Variants in TBC1D17 observed in about 807,000 individuals in gnomAD.
The protein encoded by TBC1D17 is TBC1 domain family member 17.
A neutral mutation model predicts 78.8 loss-of-function variants in TBC1D17; 69 were observed. That is an observed-to-expected ratio of 0.88 (90% CI 0.72 to 1.07). The LOEUF (loss-of-function observed/expected upper bound fraction) is 1.07. Ranked by LOEUF, TBC1D17 falls within the 50% of genes least tolerant of loss-of-function variation. TBC1D17 has a pLI of 0.00. For synonymous variants in TBC1D17, 456 were observed against 358.3 expected, an observed-to-expected ratio of 1.27 and a Z score of -3.08; for missense variants, 957 against 861.0, an observed-to-expected ratio of 1.11 and a Z score of -1.39.
intron 3 of TBC1D17, chr19:49,878,968 C>G: frequency 9.4e-6 from 2 of 213,670 alleles, no homozygotes; most frequent in South Asian, 1.4e-4. Context: ...CGTTATGTCT[C>G]CTGGGACTTC....
Position 49,878,487 on chromosome 19 carries a change from C to T in TBC1D17, c.121-11C>T, listed in dbSNP as rs1302482799. The T allele has an allele frequency of 1.2e-6, 2 of 1,613,456 alleles. No individual in the cohort carries two copies. Among genetic ancestry groups the T allele is most frequent in the Admixed American group, 3.3e-5 (2 of 59,988 alleles). Reference sequence around the variant, plus strand: ...GGAGCGCCTCTAACCCCGCCTCCCTCCTTACCCTAGGACAATGACGTCCTC... The same window carrying T: ...GGAGCGCCTCTAACCCCGCCTCCCTTCTTACCCTAGGACAATGACGTCCTC... On this transcript the variant is annotated splice_polypyrimidine_tract_variant and intron_variant, in intron 2 of 16. Transcript: ENST00000221543.
At position 49,882,995 on chromosome 19, in the gene TBC1D17, G is replaced by A. The variant is rs139889935; in HGVS notation, c.950G>A (p.Arg317His). 265 of 1,610,796 alleles carry A rather than the reference G, an allele frequency of 1.6e-4. No individual in the cohort carries two copies. Among genetic ancestry groups the A allele is most frequent in the African/African-American group, 4.8e-4 (36 of 74,978 alleles). ...FSGGLSPSLR[R>H]EAWKFLLGYL... ...CAGGGTCTGAGCCCCAGCCTGCGGCGCGAGGCCTGGAAGTTCCTCCTAGGG... is the reference window on the plus strand; with the variant it reads ...CAGGGTCTGAGCCCCAGCCTGCGGCACGAGGCCTGGAAGTTCCTCCTAGGG... The change falls in exon 9 of 17, where the codon CGC becomes CAC. Residue 317 changes from arginine to histidine, a missense_variant. Physicochemically the swap from Arg to His is conservative, Grantham distance 29. Transcript: ENST00000221543.
rs1419111632 is a variant in TBC1D17 at position 49,879,854 on chromosome 19, T to C, written c.196-425T>C. Among the ~76,000 whole-genome samples, 1,142 of 139,668 alleles carry C rather than the reference T, an allele frequency of 8.2e-3. 12 individuals carry two copies. Among genetic ancestry groups the C allele is most frequent in the African/African-American group, 0.028 (1,036 of 36,614 alleles). The allele number at this position is 139,668 out of a possible 152,430, so 91.6% of individuals were successfully genotyped here. On this transcript the variant is annotated intron_variant, in intron 3 of 16. Transcript: ENST00000221543. Reference sequence around the variant, plus strand: ...AGTGCTGTACTTTCTTTTTTCTTTTTTTTTTTTTTTTTTTAATGAGACAGA... The same window carrying C: ...AGTGCTGTACTTTCTTTTTTCTTTTCTTTTTTTTTTTTTTAATGAGACAGA...
intron 3 of TBC1D17, 198 bp downstream of exon 3, chr19:49,878,770 C>T: frequency 1.7e-6 from 1 of 593,114 alleles, no homozygotes; most frequent in African/African-American, 1.9e-5. Context: ...GGAAAAAGAG[C>T]AGGGAGCATA....
At chr19:49,877,809 C>T (rs1418759701) in intron 1 of TBC1D17, 65 bp downstream of exon 1, 4 of 1,532,558 alleles carry the variant, frequency 2.6e-6, no homozygotes, top group African/African-American at 2.7e-5. Context: ...GTGATCAGCT[C>T]TTCTCTCAGG....
At chr19:49,885,355 G>A (rs2075049630) in intron 13 of TBC1D17, 1 of 152,382 alleles carries the variant, frequency 6.6e-6, no homozygotes, top group Non-Finnish European at 1.4e-5. Context: ...TGAGGCAGGA[G>A]AATCGCTTGA....
rs1377117763 is a variant in TBC1D17, at chr19:49,883,636, C to T, written c.1032-15C>T. On this transcript the variant is annotated splice_polypyrimidine_tract_variant and intron_variant, in intron 9 of 16. Coordinates refer to ENST00000221543, the MANE Select transcript of TBC1D17 (RefSeq NM_024682.3). ...ACAGTGGCGGCCTCACATCTTGTTT[C>T]CCTCTGTCACTCAGGGATGAGTATT... 6 of 1,611,664 alleles carry T rather than the reference C, an allele frequency of 3.7e-6. No homozygotes were observed. Among genetic ancestry groups the T allele is most frequent in the Non-Finnish European group, 8.5e-7 (1 of 1,178,242 alleles).
In TBC1D17 at chr19:49,882,088, C is replaced by T. The variant is rs2075019796; in HGVS notation, c.575C>T (p.Ser192Phe). The change falls in exon 6 of 17, where the codon TCT (serine) becomes TTT (phenylalanine). Residue 192 changes from serine to phenylalanine, a missense_variant. Ser to Phe is a radical substitution (Grantham distance 155). Transcript: ENST00000221543. ...RLYLVFPHDSSALSNSFHHLQ... is the reference protein window; with the variant it reads ...RLYLVFPHDSFALSNSFHHLQ... Reference sequence around the variant, plus strand: ...TACCTTGTCTTCCCCCACGACTCCTCTGCTCTCTCCAACTCCTTCCACCAC... The same window carrying T: ...TACCTTGTCTTCCCCCACGACTCCTTTGCTCTCTCCAACTCCTTCCACCAC... 1 of 1,614,176 alleles carries T rather than the reference C, an allele frequency of 6.2e-7. No individual in the cohort carries two copies.
chr19:49,878,833 G>A (rs752175092), intron 3 of TBC1D17: 5 of 476,326 alleles, frequency 1.0e-5, no homozygotes, highest in Non-Finnish European at 1.9e-5. Context: ...CTTCTTGGGA[G>A]ATCCCTGCCA....
At chr19:49,883,137 A>T (rs111732606) in intron 9 of TBC1D17, 61 bp downstream of exon 9, 1 of 1,475,196 alleles carries the variant, frequency 6.8e-7, no homozygotes, top group African/African-American at 1.4e-5. Context: ...TAGGGCACCA[A>T]TGGGCAAGTT....
In TBC1D17 at chr19:49,881,337, G is replaced by C; in HGVS notation, c.389G>C (p.Arg130Pro). 6.2e-7 allele frequency: 1 copy of C among 1,613,282 alleles called. No homozygotes were observed. Among genetic ancestry groups the C allele is most frequent in the African/African-American group, 1.3e-5 (1 of 75,038 alleles). The change falls in exon 5 of 17, where the codon CGC becomes CCC. Residue 130 changes from arginine to proline, a missense_variant. Physicochemically the swap from Arg to Pro is moderately radical, Grantham distance 103. Transcript: ENST00000221543. ...SVSLGELKSI[R>P]RSKPGLSWAY... ...AGTCTGGGGGAGCTAAAGTCCATCCGCCGCTCCAAGCCAGGCCTCAGCTGG... is the reference window on the plus strand; with the variant it reads ...AGTCTGGGGGAGCTAAAGTCCATCCCCCGCTCCAAGCCAGGCCTCAGCTGG...
chr19:49,878,412 C>T (rs2122417183), intron 2 of TBC1D17, 86 bp from the exon 3 acceptor site: 1 of 1,417,754 alleles, frequency 7.1e-7, no homozygotes, highest in South Asian at 1.2e-5. Flanking sequence ...AGGGTAGAAA[C>T]TGGGAAAGTT....
rs2074972831 is a variant in TBC1D17 at position 49,878,009 on chromosome 19, C to T, written c.22-134C>T. ...CGAACGCGGGCTGGACCATTCTCCC[C>T]GCCTTGGTCCCGGGGCAATGGCCCT... On this transcript the variant is annotated intron_variant, in intron 1 of 16. Transcript: ENST00000221543. 9.9e-6 allele frequency: 8 copies of T among 809,864 alleles called. No individual in the cohort carries two copies. The South Asian group carries it at 1.1e-4, about 11-fold the overall frequency. The allele number at this position is 809,864 out of a possible 1,614,324, so 50.2% of individuals were successfully genotyped here. A position where few individuals can be genotyped will look rare whatever the true frequency, so the allele number is the denominator to read the frequency against.
chr19:49,879,078 T>C (rs950654552), intron 3 of TBC1D17: 1 of 153,792 alleles, frequency 6.5e-6, no homozygotes, highest in African/African-American at 2.4e-5. Flanking sequence ...GAGAAACTGA[T>C]AGATGAGGTC....
rs2075046373 is a variant in TBC1D17 at position 49,884,828 on chromosome 19, C to T, written c.1444+70C>T. 2.5e-5 allele frequency: 34 copies of T among 1,363,330 alleles called. No individual in the cohort carries two copies. In the South Asian group the frequency reaches 4.0e-4, roughly 16 times the overall value. The allele number at this position is 1,363,330 out of a possible 1,614,324, so 84.5% of individuals were successfully genotyped here. ...CCTTGCCAGATTCTCTGGTAGCAGC[C>T]ACAGTGGCATCCTGGACATTGGGTC... On this transcript the variant is annotated intron_variant, in intron 13 of 16. Transcript: ENST00000221543.
intron 15 of TBC1D17, 172 bp downstream of exon 15, chr19:49,888,006 C>T: frequency 1.1e-6 from 1 of 923,898 alleles, no homozygotes; most frequent in Non-Finnish European, 1.6e-6. Flanking sequence ...GCCATGCCTG[C>T]TCCCAGCAAG....
At position 49,884,579 on chromosome 19, in the gene TBC1D17, TGGGACAC is replaced by T. The variant is rs773652468; in HGVS notation, c.1344+21_1344+27del. The T allele has an allele frequency of 6.2e-7, 1 of 1,613,692 alleles. No individual in the cohort carries two copies. Among genetic ancestry groups the T allele is most frequent in the Non-Finnish European group, 8.5e-7 (1 of 1,179,636 alleles). Reference sequence around the variant, plus strand: ...CTCGTGGTGAGGCTTGGGTCAGGGGTGGGACACAGGCCTATCGAGCGATCAGGTGTCC... The same window carrying T: ...CTCGTGGTGAGGCTTGGGTCAGGGGTAGGCCTATCGAGCGATCAGGTGTCC... On this transcript the variant is annotated intron_variant, in intron 12 of 16. Coordinates refer to ENST00000221543, the MANE Select transcript of TBC1D17 (RefSeq NM_024682.3).
intron 10 of TBC1D17, 21 bp downstream of exon 10, chr19:49,883,766 T>G (rs1396152090): frequency 5.0e-6 from 8 of 1,602,648 alleles, no homozygotes; most frequent in Non-Finnish European, 6.0e-6. Context: ...GGGGTGGCAC[T>G]TAGGGTGGAT....
In TBC1D17 at chr19:49,884,527, T is replaced by C. The variant is rs1271214158; in HGVS notation, c.1312T>C (p.Phe438Leu). 6.2e-7 allele frequency: 1 copy of C among 1,614,022 alleles called. No homozygotes were observed. Among genetic ancestry groups the C allele is most frequent in the Non-Finnish European group, 8.5e-7 (1 of 1,180,030 alleles). Residue 438 changes from phenylalanine (F) to leucine (L), a missense_variant, in exon 12 of 17, where the codon TTC becomes CTC. Coordinates refer to ENST00000221543, the MANE Select transcript of TBC1D17 (RefSeq NM_024682.3). ...LYVIQNEVDAFWCFCGFMELV... is the reference protein window; with the variant it reads ...LYVIQNEVDALWCFCGFMELV... ...CGTCATTCAGAACGAGGTGGATGCT[T>C]TCTGGTGTTTCTGTGGCTTCATGGA...
Sources: allele counts gnomAD v4.1 joint callset (sites outside exome capture counted in the v4.1 genomes callset), GRCh38; gene constraint gnomAD v4.1.1; transcripts MANE v1.5; gene names NCBI Gene and HGNC (gene_info 2026-07-23, HGNC 2026-07-21).